Variants in NOS1AP observed in about 807,000 individuals in gnomAD.
The protein encoded by NOS1AP is nitric oxide synthase 1 adaptor protein.
In NOS1AP, 21 loss-of-function variants were observed where a neutral mutation model predicts 56.2. The ratio of observed to expected loss-of-function variants is 0.37; its 90% CI spans 0.26 to 0.54. The LOEUF is 0.54. Among genes scored for constraint, NOS1AP ranks in the 20% least tolerant of loss-of-function variants. The pLI, the probability that NOS1AP is intolerant of heterozygous loss-of-function variation, is 0.84. For missense variants in NOS1AP, 522 were observed against 657.8 expected (o/e 0.79, Z 2.26); for synonymous variants, 270 against 274.6 (o/e 0.98, Z 0.17).
rs1648183002 is a variant in NOS1AP at position 162,120,813 on chromosome 1, T to C, written c.106-33592T>C. ...AAACCATATCAGAATTCTTTTAGAT[T>C]TTTTCCCTCATACCTTTTAACATAT... is the stretch of plus-strand genomic sequence containing the variant. On this transcript the variant is annotated intron_variant, in intron 1 of 9. Transcript: ENST00000361897. Among the ~76,000 whole-genome samples the C allele has an allele frequency of 2.6e-5, 4 of 152,174 alleles. No homozygotes were observed. The South Asian group carries it at 8.3e-4, about 32-fold the overall frequency.
At chr1:162,288,411 G>C (rs1655159080) in intron 3 of NOS1AP, among the ~76,000 whole-genome samples, 1 of 152,206 alleles carries the variant, frequency 6.6e-6, no homozygotes, top group African/African-American at 2.4e-5. Flanking sequence ...GCTAGAGGGA[G>C]AGAGTGTGGA....
chr1:162,287,280 G>A (rs1655119403), intron 2 of NOS1AP, 64 bp from the exon 3 acceptor site: 1 of 1,176,746 alleles, frequency 8.5e-7, no homozygotes, highest in Admixed American at 1.7e-5. Context: ...GGGCTAGCTG[G>A]GTCTGTATAG....
Position 162,130,829 on chromosome 1 carries a change from A to T in NOS1AP, c.106-23576A>T, listed in dbSNP as rs551367542. The stretch of plus-strand genomic sequence containing the variant: ...TCATCAGAATCATCTAAGGAATTTT[A>T]AAAAATGTTACTAATTCTCAGTCCT... On this transcript the variant is annotated intron_variant, in intron 1 of 9. Coordinates refer to ENST00000361897, the MANE Select transcript of NOS1AP (RefSeq NM_014697.3). 1.7e-3 allele frequency among the ~76,000 whole-genome samples: 252 copies of T among 152,338 alleles called. 8 individuals carry two copies. In the South Asian group the frequency reaches 0.05, roughly 30 times the overall value.
At chr1:162,189,663 C>T (rs1651556413) in intron 2 of NOS1AP, among the ~76,000 whole-genome samples, 1 of 152,046 alleles carries the variant, frequency 6.6e-6, no homozygotes, top group Non-Finnish European at 1.5e-5. Flanking sequence ...ACACAGTAGA[C>T]AGGGTAACAT....
intron 6 of NOS1AP, among the ~76,000 whole-genome samples, chr1:162,349,509 G>A (rs1657420066): frequency 6.6e-6 from 1 of 152,192 alleles, no homozygotes; most frequent in South Asian, 2.1e-4. Context: ...CTTGAATCCT[G>A]ACTCTACCAC....
intron 1 of NOS1AP, among the ~76,000 whole-genome samples, chr1:162,136,430 G>T (rs2102069110): frequency 6.6e-6 from 1 of 152,234 alleles, no homozygotes; most frequent in Non-Finnish European, 1.5e-5. Context: ...GGATACAAAA[G>T]AAATGCAAGA....
intron 2 of NOS1AP, among the ~76,000 whole-genome samples, chr1:162,210,990 A>T (rs1448681531): frequency 6.6e-6 from 1 of 152,200 alleles, no homozygotes; most frequent in East Asian, 1.9e-4. Flanking sequence ...TACCATGTGA[A>T]GAAAGTTGGT....
intron 2 of NOS1AP, 83 bp from the exon 3 acceptor site, chr1:162,287,261 T>A (rs930351177): frequency 5.0e-6 from 5 of 1,009,166 alleles, no homozygotes; most frequent in Non-Finnish European, 7.9e-6. Flanking sequence ...GGACCTTTTT[T>A]CCAGGCATGG....
intron 4 of NOS1AP, among the ~76,000 whole-genome samples, chr1:162,302,276 A>G (rs1322879946): frequency 1.3e-5 from 2 of 152,234 alleles, no homozygotes; most frequent in Non-Finnish European, 2.9e-5. Flanking sequence ...TCTGGCCCAA[A>G]TGAAGCACTT....
At chr1:162,297,449 G>T (rs1384057944) in intron 3 of NOS1AP, among the ~76,000 whole-genome samples, 1 of 152,224 alleles carries the variant, frequency 6.6e-6, no homozygotes, top group Non-Finnish European at 1.5e-5. Flanking sequence ...ACCGTGGTCA[G>T]TTGGCTTTCT....
At chr1:162,216,514 T>C (rs1323409841) in intron 2 of NOS1AP, among the ~76,000 whole-genome samples, 8 of 152,220 alleles carry the variant, frequency 5.3e-5, no homozygotes, top group African/African-American at 1.7e-4. Context: ...TGCATTTTAG[T>C]CTCAGCTTTG....
Position 162,296,009 on chromosome 1 carries a change from G to A in NOS1AP, c.271-4624G>A, listed in dbSNP as rs556565906. ...GGGTTAAAAAGCTCCAACAGTGGCCGGGTGTGGTGGCTCACACCTGTAATC... is the reference window on the plus strand; with the variant it reads ...GGGTTAAAAAGCTCCAACAGTGGCCAGGTGTGGTGGCTCACACCTGTAATC... On this transcript the variant is annotated intron_variant, in intron 3 of 9. Coordinates refer to ENST00000361897, the MANE Select transcript of NOS1AP (RefSeq NM_014697.3). Among the ~76,000 whole-genome samples the A allele has an allele frequency of 3.3e-5, 5 of 152,230 alleles. No individual in the cohort carries two copies. The East Asian group carries it at 7.7e-4, about 24-fold the overall frequency.
chr1:162,198,858 A>G (rs1651890982), intron 2 of NOS1AP, among the ~76,000 whole-genome samples: 1 of 152,138 alleles, frequency 6.6e-6, no homozygotes, highest in Non-Finnish European at 1.5e-5. Context: ...CACTATTCAT[A>G]TGTGGCTTCT....
intron 1 of NOS1AP, among the ~76,000 whole-genome samples, chr1:162,140,494 T>C (rs116014166): frequency 0.01 from 1,542 of 152,360 alleles, 24 homozygotes; most frequent in African/African-American, 0.035. Context: ...TTTTTTTCAC[T>C]GTGTAGCATT....
chr1:162,131,651 T>C (rs965665457), intron 1 of NOS1AP, among the ~76,000 whole-genome samples: 3 of 152,052 alleles, frequency 2.0e-5, no homozygotes, highest in Non-Finnish European at 4.4e-5. Flanking sequence ...TGATTTGATT[T>C]AGCTGCTGTC....
chr1:162,216,487 T>C (rs986013040), intron 2 of NOS1AP, among the ~76,000 whole-genome samples: 8 of 152,180 alleles, frequency 5.3e-5, no homozygotes, highest in Non-Finnish European at 1.2e-4. Flanking sequence ...CATCTTATAG[T>C]TGGACTCTTG....
intron 2 of NOS1AP, among the ~76,000 whole-genome samples, chr1:162,273,155 T>A (rs1654632685): frequency 7.8e-6 from 1 of 128,484 alleles, no homozygotes; most frequent in South Asian, 2.6e-4. Flanking sequence ...CTGGAAGCCC[T>A]TGTTCTTTTT....
chr1:162,253,602 A>T (rs541949089), intron 2 of NOS1AP, among the ~76,000 whole-genome samples: 1 of 152,214 alleles, frequency 6.6e-6, no homozygotes, highest in Admixed American at 6.5e-5. Context: ...GTGAATGTTT[A>T]AGCATTCCCC....
chr1:162,358,185 TCTG>T (rs1657762920), intron 8 of NOS1AP, among the ~76,000 whole-genome samples: 1 of 152,196 alleles, frequency 6.6e-6, no homozygotes, highest in South Asian at 2.1e-4. Context: ...TGTTATGTCT[TCTG>T]CTTACTCTTG....
Sources: allele counts gnomAD v4.1 joint callset (sites outside exome capture counted in the v4.1 genomes callset), GRCh38; gene constraint gnomAD v4.1.1; transcripts MANE v1.5; gene names NCBI Gene and HGNC (gene_info 2026-07-23, HGNC 2026-07-21).